Variants in MAGI3 observed in about 807,000 individuals in gnomAD.
MAGI3 encodes membrane-associated guanylate kinase, WW and PDZ domain-containing protein 3.
In MAGI3, 43 loss-of-function variants were observed where a neutral mutation model predicts 121.8. The ratio of observed to expected loss-of-function variants is 0.35; its 90% CI spans 0.28 to 0.46. The LOEUF (loss-of-function observed/expected upper bound fraction) is 0.46. Ranked by LOEUF, MAGI3 falls within the 20% of genes least tolerant of loss-of-function variation. The probability of loss-of-function intolerance (pLI) is 1.00; values close to 1 mark genes in which losing one functional copy is unlikely to be tolerated. For synonymous variants in MAGI3, 553 were observed against 639.3 expected, an observed-to-expected ratio of 0.86 and a Z score of 2.04; for missense variants, 1,547 against 1,797.3, an observed-to-expected ratio of 0.86 and a Z score of 2.52.
At chr1:113,585,320 C>A in intron 3 of MAGI3, 67 bp from the exon 4 acceptor site, 1 of 1,433,328 alleles carries the variant, frequency 7.0e-7, no homozygotes, top group Non-Finnish European at 9.8e-7. Context: ...GAGACATACA[C>A]TAGGTCAAAT....
At chr1:113,639,256 G>C (rs926359641) in intron 9 of MAGI3, among the ~76,000 whole-genome samples, 3 of 152,222 alleles carry the variant, frequency 2.0e-5, no homozygotes, top group Non-Finnish European at 4.4e-5. Context: ...TGCACCCACT[G>C]TCTGGCACTC....
chr1:113,621,702 A>G (rs190680267), intron 8 of MAGI3, among the ~76,000 whole-genome samples: 2 of 151,414 alleles, frequency 1.3e-5, no homozygotes, highest in Admixed American at 6.6e-5. Flanking sequence ...TTATTTGGCA[A>G]TAATATAATA....
intron 2 of MAGI3, among the ~76,000 whole-genome samples, chr1:113,562,224 T>G (rs1660268772): frequency 6.6e-6 from 1 of 151,976 alleles, no homozygotes; most frequent in Admixed American, 6.6e-5. Context: ...GCTAACACGG[T>G]GAAACCCCGT....
intron 1 of MAGI3, among the ~76,000 whole-genome samples, chr1:113,446,148 A>G (rs181086157): frequency 6.6e-6 from 1 of 152,268 alleles, no homozygotes; most frequent in Admixed American, 6.5e-5. Context: ...TTTCTACATA[A>G]TTTAAGAAAC....
At chr1:113,671,319 C>T (rs1193543431) in intron 16 of MAGI3, among the ~76,000 whole-genome samples, 1 of 151,990 alleles carries the variant, frequency 6.6e-6, no homozygotes, top group Non-Finnish European at 1.5e-5. Context: ...GACTGGCCTC[C>T]GTGTTCCAGC....
At chr1:113,662,795 ATGT>A (rs1046481909) in intron 16 of MAGI3, among the ~76,000 whole-genome samples, 16 of 152,316 alleles carry the variant, frequency 1.1e-4, no homozygotes, top group African/African-American at 3.6e-4. Context: ...TCTCAGAACC[ATGT>A]TGTTGTTGTT....
chr1:113,493,865 C>A (rs1353149350), intron 1 of MAGI3, among the ~76,000 whole-genome samples: 2 of 152,070 alleles, frequency 1.3e-5, no homozygotes, highest in Non-Finnish European at 1.5e-5. Flanking sequence ...AGTCAAAAAA[C>A]AACAGATGCT....
intron 1 of MAGI3, among the ~76,000 whole-genome samples, chr1:113,508,990 GTA>G (rs1329662810): frequency 6.6e-6 from 1 of 152,034 alleles, no homozygotes; most frequent in Non-Finnish European, 1.5e-5. Context: ...GTAAATGGTG[GTA>G]TTATTTAGAA....
intron 9 of MAGI3, among the ~76,000 whole-genome samples, chr1:113,633,051 C>A: frequency 1.0e-5 from 1 of 99,122 alleles, no homozygotes; most frequent in Non-Finnish European, 1.9e-5. Flanking sequence ...TATCCCTCCC[C>A]CCTCCCCCCA....
chr1:113,513,115 T>G (rs1657701609), intron 1 of MAGI3, among the ~76,000 whole-genome samples: 2 of 151,892 alleles, frequency 1.3e-5, no homozygotes, highest in Admixed American at 6.6e-5. Context: ...CACTGCTCAA[T>G]GAAATAAAGG....
At chr1:113,462,735 A>G (rs545396762) in intron 1 of MAGI3, among the ~76,000 whole-genome samples, 1 of 152,290 alleles carries the variant, frequency 6.6e-6, no homozygotes, top group South Asian at 2.1e-4. Context: ...ATGAGGCAAT[A>G]CTTTGAGTAA....
Position 113,519,858 on chromosome 1 carries a change from A to G in MAGI3, c.317-29657A>G, listed in dbSNP as rs1414854436. Among the ~76,000 whole-genome samples the G allele has an allele frequency of 2.0e-5, 3 of 152,250 alleles. No homozygotes were observed. In the East Asian group the frequency reaches 5.8e-4, roughly 29 times the overall value. ...ATATTGTTTGCACAATTTAGGCAAA[A>G]TGAGATATTCTTATCAGGGAATAGT... is the stretch of plus-strand genomic sequence containing the variant. On this transcript the variant is annotated intron_variant, in intron 1 of 20. Transcript: ENST00000307546.
chr1:113,527,197 T>A (rs1387323353), intron 1 of MAGI3, among the ~76,000 whole-genome samples: 1 of 152,008 alleles, frequency 6.6e-6, no homozygotes, highest in Non-Finnish European at 1.5e-5. Context: ...CCTAGATTTT[T>A]AAAATGGCAG....
In MAGI3 at chr1:113,659,166, G is replaced by GTGAATGGGCAGTCCATTGT. The variant is rs1553214599; in HGVS notation, c.2721_2739dup (p.Leu914TrpfsTer6). ...GAAAGTTGGAGATCATATCTCTGCA[G>GTGAATGGGCAGTCCATTGT]TGAATGGGCAGTCCATTGTTGAACT... is the stretch of plus-strand genomic sequence containing the variant. On this transcript the variant is annotated frameshift_variant, in exon 16 of 21. Coordinates refer to ENST00000307546, the MANE Select transcript of MAGI3 (RefSeq NM_001142782.2). LOFTEE classifies it high-confidence loss of function. The GTGAATGGGCAGTCCATTGT allele has an allele frequency of 6.2e-7, 1 of 1,614,040 alleles. No homozygotes were observed. Among genetic ancestry groups the GTGAATGGGCAGTCCATTGT allele is most frequent in the African/African-American group, 1.3e-5 (1 of 74,924 alleles).
chr1:113,662,925 A>G (rs1277436341), intron 16 of MAGI3, among the ~76,000 whole-genome samples: 9 of 152,058 alleles, frequency 5.9e-5, no homozygotes, highest in African/African-American at 1.9e-4. Context: ...AAAATTAATC[A>G]TTCTAAAATA....
intron 2 of MAGI3, among the ~76,000 whole-genome samples, chr1:113,579,877 C>G (rs554922741): frequency 6.6e-6 from 1 of 151,866 alleles, no homozygotes; most frequent in African/African-American, 2.4e-5. Context: ...CCTAGACTTG[C>G]AACCAATTCC....
intron 2 of MAGI3, among the ~76,000 whole-genome samples, chr1:113,579,867 C>T (rs1361902276): frequency 6.6e-6 from 1 of 151,704 alleles, no homozygotes; most frequent in African/African-American, 2.4e-5. Flanking sequence ...GTGTTCTTGT[C>T]CTAGACTTGC....
chr1:113,451,918 G>C (rs114212418), intron 1 of MAGI3, among the ~76,000 whole-genome samples: 34 of 152,260 alleles, frequency 2.2e-4, no homozygotes, highest in African/African-American at 7.9e-4. Context: ...AACTGGTTAG[G>C]TAAATGAGGG....
chr1:113,424,192 C>T (rs1186833828), intron 1 of MAGI3, among the ~76,000 whole-genome samples: 1 of 150,756 alleles, frequency 6.6e-6, no homozygotes, highest in Non-Finnish European at 1.5e-5. Context: ...GCTCCAGCCA[C>T]CCCCGCCGCC....
Sources: gnomAD v4.1 joint callset for allele counts (sites outside exome capture counted in the v4.1 genomes callset) on GRCh38, gnomAD v4.1.1 for gene constraint, MANE v1.5 for transcripts, NCBI Gene and HGNC (gene_info 2026-07-23, HGNC 2026-07-21) for gene names.